Variants in TNIK observed in about 807,000 individuals in gnomAD.
TNIK encodes TRAF2 and NCK interacting kinase, also known as TRAF2 and NCK-interacting protein kinase.
TNIK carries 49 observed loss-of-function variants against 191.3 expected under a neutral mutation model. The ratio of observed to expected loss-of-function variants is 0.26; its 90% CI spans 0.20 to 0.32. TNIK has a LOEUF of 0.32. Ranked by LOEUF, TNIK falls within the 10% of genes least tolerant of loss-of-function variation. The pLI is 1.00. For synonymous variants in TNIK, 594 were observed against 600.9 expected (o/e 0.99, Z 0.17); for missense variants, 1,155 against 1,702.3 (o/e 0.68, Z 5.66).
chr3:171,148,238 T>C (rs1192679194), intron 12 of TNIK, among the ~76,000 whole-genome samples: 4 of 152,230 alleles, frequency 2.6e-5, no homozygotes, highest in Admixed American at 2.0e-4. Flanking sequence ...GTCAAGCACA[T>C]GTGTGCAAGC....
intron 15 of TNIK, among the ~76,000 whole-genome samples, chr3:171,131,325 G>A (rs1472254810): frequency 1.1e-4 from 11 of 100,096 alleles, no homozygotes; most frequent in East Asian, 3.5e-4. Flanking sequence ...GCGACAGAGC[G>A]AGACTCCGTC....
intron 3 of TNIK, among the ~76,000 whole-genome samples, chr3:171,211,686 G>A (rs571120959): frequency 4.2e-4 from 64 of 152,230 alleles, no homozygotes; most frequent in African/African-American, 1.4e-3. Context: ...TTCTTTGAAG[G>A]CTCCTTTCAT....
chr3:171,310,814 T>TA (rs1455560759), intron 2 of TNIK, among the ~76,000 whole-genome samples: 3 of 152,234 alleles, frequency 2.0e-5, no homozygotes, highest in South Asian at 4.1e-4. Context: ...TAAGCAGAGT[T>TA]AAAAAACAAA....
chr3:171,312,157 A>G (rs971971623), intron 2 of TNIK, among the ~76,000 whole-genome samples: 1 of 145,864 alleles, frequency 6.9e-6, no homozygotes, highest in African/African-American at 2.5e-5. Context: ...AGACTGGCAT[A>G]TCTGATTTTA....
At chr3:171,278,708 T>G (rs1750076012) in intron 2 of TNIK, among the ~76,000 whole-genome samples, 1 of 152,028 alleles carries the variant, frequency 6.6e-6, no homozygotes, top group Admixed American at 6.5e-5. Context: ...TTGCCTAAAT[T>G]ATGTATTAAG....
At chr3:171,361,005 A>G (rs1714896294) in intron 2 of TNIK, among the ~76,000 whole-genome samples, 1 of 152,240 alleles carries the variant, frequency 6.6e-6, no homozygotes, top group South Asian at 2.1e-4. Flanking sequence ...ATACTTATGA[A>G]GGCTGACACT....
intron 1 of TNIK, among the ~76,000 whole-genome samples, chr3:171,431,565 A>T (rs13071682): frequency 0.35 from 53,448 of 152,020 alleles, 12,001 homozygotes; most frequent in Non-Finnish European, 0.49. Flanking sequence ...TTTAAAATCT[A>T]AAAATAATTT....
chr3:171,418,707 G>A (rs1723385829), intron 1 of TNIK, among the ~76,000 whole-genome samples: 1 of 152,116 alleles, frequency 6.6e-6, no homozygotes, highest in Non-Finnish European at 1.5e-5. Context: ...GGAGATCATA[G>A]CCAAATGTCC....
intron 2 of TNIK, among the ~76,000 whole-genome samples, chr3:171,296,699 A>C (rs937868114): frequency 2.0e-5 from 3 of 152,226 alleles, no homozygotes; most frequent in Non-Finnish European, 2.9e-5. Flanking sequence ...CAAAATATTG[A>C]TAATTATTGA....
At chr3:171,087,531 G>A in intron 23 of TNIK, 25 bp from the exon 24 acceptor site, 10 of 1,607,740 alleles carry the variant, frequency 6.2e-6, no homozygotes, top group Non-Finnish European at 8.5e-6. Flanking sequence ...CACGTGGGAG[G>A]AGTTAGAGAG....
intron 2 of TNIK, among the ~76,000 whole-genome samples, chr3:171,341,095 C>CA (rs1757455808): frequency 6.6e-6 from 1 of 151,964 alleles, no homozygotes; most frequent in Non-Finnish European, 1.5e-5. Context: ...GTAAATGGGA[C>CA]AAAAAGAGTC....
At chr3:171,206,335 GTATATATATA>G (rs60356829) in intron 4 of TNIK, among the ~76,000 whole-genome samples, 1 of 133,030 alleles carries the variant, frequency 7.5e-6, no homozygotes, top group Non-Finnish European at 1.6e-5. Flanking sequence ...ATATGTTCGT[GTATATATATA>G]TATATATATG....
At chr3:171,152,741 T>C (rs1356577843) in intron 12 of TNIK, among the ~76,000 whole-genome samples, 1 of 151,460 alleles carries the variant, frequency 6.6e-6, no homozygotes, top group East Asian at 1.9e-4. Context: ...TAGGGAGTAC[T>C]ACACAAAAAC....
chr3:171,361,905 C>T (rs1441621299), intron 2 of TNIK, among the ~76,000 whole-genome samples: 1 of 152,118 alleles, frequency 6.6e-6, no homozygotes, highest in Non-Finnish European at 1.5e-5. Flanking sequence ...CAGATGAGAA[C>T]AACTGAAGTT....
chr3:171,348,051 A>G (rs1024075357), intron 2 of TNIK, among the ~76,000 whole-genome samples: 10 of 152,200 alleles, frequency 6.6e-5, no homozygotes, highest in Non-Finnish European at 1.2e-4. Context: ...TGGTAGCCAC[A>G]GTGCTAGGAT....
chr3:171,336,289 C>T (rs74322158), intron 2 of TNIK, among the ~76,000 whole-genome samples: 2,744 of 152,298 alleles, frequency 0.018, 72 homozygotes, highest in African/African-American at 0.063. Context: ...AACTTAAGGC[C>T]TTTTGTTCCA....
chr3:171,405,968 T>C (rs1452574846), intron 1 of TNIK, among the ~76,000 whole-genome samples: 1 of 152,108 alleles, frequency 6.6e-6, no homozygotes, highest in Non-Finnish European at 1.5e-5. Context: ...AATCAACCTC[T>C]ACAGAGGTAA....
chr3:171,226,595 G>C (rs1742993108), intron 3 of TNIK, among the ~76,000 whole-genome samples: 1 of 152,072 alleles, frequency 6.6e-6, no homozygotes, highest in Admixed American at 6.5e-5. Context: ...TTATTATTCA[G>C]TAAAGGCCAG....
chr3:171,314,013 C>G (rs935836105), intron 2 of TNIK, among the ~76,000 whole-genome samples: 1 of 152,156 alleles, frequency 6.6e-6, no homozygotes, highest in Non-Finnish European at 1.5e-5. Context: ...TTTAAACATT[C>G]TATCCTGAAT....
Sources: gnomAD v4.1 joint callset for allele counts (sites outside exome capture counted in the v4.1 genomes callset) on GRCh38, gnomAD v4.1.1 for gene constraint, MANE v1.5 for transcripts, NCBI Gene and HGNC (gene_info 2026-07-23, HGNC 2026-07-21) for gene names.